GREB1L: variants seen among roughly 807,000 people sequenced by gnomAD.
GREB1L encodes GREB1-like protein.
In GREB1L, 17 loss-of-function variants were observed where a neutral mutation model predicts 200.8. That is an observed-to-expected ratio of 0.08 (90% CI 0.06 to 0.13). The LOEUF is 0.13. Ranked by LOEUF, GREB1L falls within the 10% of genes least tolerant of loss-of-function variation. GREB1L has a pLI of 1.00. For synonymous variants in GREB1L, 789 were observed against 893.0 expected (o/e 0.88, Z 2.08); for missense variants, 1,657 against 2,367.7 (o/e 0.70, Z 6.23).
At chr18:21,376,477 C>T (rs1338774978) in intron 2 of GREB1L, among the ~76,000 whole-genome samples, 2 of 149,524 alleles carry the variant, frequency 1.3e-5, no homozygotes, top group African/African-American at 4.9e-5. Flanking sequence ...AAAAATCTCA[C>T]GTCACTTCTG....
rs186909556 is a variant in GREB1L, at chr18:21,472,888, T to C, written c.2183-143T>C. On this transcript the variant is annotated intron_variant, in intron 15 of 32. Transcript: ENST00000424526. Reference sequence around the variant, plus strand: ...CCTCCTCATACTGTGATGGGGAACATAAGAAAGAAAAAACATCTGCTCTGT... The same window carrying C: ...CCTCCTCATACTGTGATGGGGAACACAAGAAAGAAAAAACATCTGCTCTGT... 6 of 542,290 alleles carry C rather than the reference T, an allele frequency of 1.1e-5. No homozygotes were observed. The Admixed American group carries it at 1.5e-4, about 13-fold the overall frequency. The allele number at this position is 542,290 out of a possible 1,614,324, so 33.6% of individuals were successfully genotyped here.
intron 7 of GREB1L, among the ~76,000 whole-genome samples, chr18:21,411,276 A>T (rs1450559965): frequency 6.6e-6 from 1 of 151,020 alleles, no homozygotes; most frequent in African/African-American, 2.4e-5. Context: ...GCGCCATCTC[A>T]GCTCACTGCA....
intron 7 of GREB1L, among the ~76,000 whole-genome samples, chr18:21,424,681 T>TA (rs1039607481): frequency 1.3e-5 from 2 of 152,052 alleles, no homozygotes; most frequent in African/African-American, 4.8e-5. Context: ...TATAATTCAA[T>TA]AAAAAACAAA....
intron 7 of GREB1L, among the ~76,000 whole-genome samples, chr18:21,434,751 A>T (rs999291156): frequency 6.6e-6 from 1 of 151,990 alleles, no homozygotes; most frequent in Non-Finnish European, 1.5e-5. Context: ...TCACGTGGTA[A>T]CTTCTAGTGA....
At chr18:21,443,267 A>G (rs1364767414) in intron 10 of GREB1L, among the ~76,000 whole-genome samples, 1 of 151,562 alleles carries the variant, frequency 6.6e-6, no homozygotes, top group Non-Finnish European at 1.5e-5. Context: ...CAGTGGCGCG[A>G]TCTCGGCTCA....
chr18:21,335,407 T>C (rs1253312088), intron 1 of GREB1L, among the ~76,000 whole-genome samples: 1 of 152,192 alleles, frequency 6.6e-6, no homozygotes, highest in Non-Finnish European at 1.5e-5. Flanking sequence ...TTTGGATGTA[T>C]ATCAAGAAGG....
At chr18:21,323,438 G>A (rs544311391) in intron 1 of GREB1L, among the ~76,000 whole-genome samples, 1 of 152,116 alleles carries the variant, frequency 6.6e-6, no homozygotes, top group Non-Finnish European at 1.5e-5. Flanking sequence ...AACAAAAAAT[G>A]GAAAAATGAA....
intron 12 of GREB1L, chr18:21,450,514 C>G (rs550742948): frequency 6.5e-6 from 1 of 152,912 alleles, no homozygotes; most frequent in Admixed American, 6.5e-5. Flanking sequence ...CAGAAAGCTT[C>G]ATCAGTGTGA....
chr18:21,359,574 T>C (rs1157128831), intron 1 of GREB1L, among the ~76,000 whole-genome samples: 1 of 152,206 alleles, frequency 6.6e-6, no homozygotes, highest in Admixed American at 6.5e-5. Flanking sequence ...TATAGCACAT[T>C]TCCAGTTTTT....
chr18:21,257,515 A>T (rs2037820019), intron 1 of GREB1L, among the ~76,000 whole-genome samples: 1 of 152,170 alleles, frequency 6.6e-6, no homozygotes, highest in Non-Finnish European at 1.5e-5. Context: ...AGAGTCTGTA[A>T]ATGTGTGTCT....
intron 2 of GREB1L, among the ~76,000 whole-genome samples, chr18:21,370,141 T>C (rs1471870533): frequency 6.6e-6 from 1 of 152,174 alleles, no homozygotes; most frequent in African/African-American, 2.4e-5. Context: ...AGCTTTGTGC[T>C]TTTATGGAAT....
intron 7 of GREB1L, among the ~76,000 whole-genome samples, chr18:21,428,047 G>A (rs1190928535): frequency 1.3e-5 from 2 of 150,606 alleles, no homozygotes; most frequent in African/African-American, 2.4e-5. Flanking sequence ...AAAATTAGCC[G>A]GGCGCGGTGG....
intron 10 of GREB1L, among the ~76,000 whole-genome samples, chr18:21,443,849 A>G (rs2034053257): frequency 6.6e-6 from 1 of 152,226 alleles, no homozygotes; most frequent in Non-Finnish European, 1.5e-5. Flanking sequence ...AATACTTAAT[A>G]CAGTGCCTAC....
At chr18:21,410,835 A>G (rs1255698136) in intron 7 of GREB1L, among the ~76,000 whole-genome samples, 2 of 151,896 alleles carry the variant, frequency 1.3e-5, no homozygotes, top group East Asian at 1.9e-4. Flanking sequence ...GGCCAGGCAC[A>G]TGGCTCACTC....
chr18:21,292,483 A>G (rs1299589100), intron 1 of GREB1L, among the ~76,000 whole-genome samples: 1 of 152,162 alleles, frequency 6.6e-6, no homozygotes, highest in Non-Finnish European at 1.5e-5. Context: ...CATCACCCCC[A>G]AAAGAAACCC....
chr18:21,404,905 G>T (rs1466157608), intron 7 of GREB1L, among the ~76,000 whole-genome samples: 1 of 152,218 alleles, frequency 6.6e-6, no homozygotes, highest in Non-Finnish European at 1.5e-5. Context: ...AAATTGAGAA[G>T]AAGGTGGTCT....
intron 2 of GREB1L, among the ~76,000 whole-genome samples, chr18:21,374,047 G>T (rs1437044906): frequency 1.3e-5 from 2 of 151,806 alleles, no homozygotes; most frequent in Non-Finnish European, 2.9e-5. Context: ...TGTCACCCAG[G>T]CTGGAGTGCA....
intron 18 of GREB1L, among the ~76,000 whole-genome samples, chr18:21,486,576 C>A (rs1247693627): frequency 6.6e-6 from 1 of 152,134 alleles, no homozygotes; most frequent in Admixed American, 6.5e-5. Flanking sequence ...TGGGGCTCCT[C>A]CTCCAGTCCC....
intron 28 of GREB1L, among the ~76,000 whole-genome samples, chr18:21,514,815 C>G (rs762316796): frequency 3.9e-5 from 6 of 152,176 alleles, no homozygotes; most frequent in Non-Finnish European, 8.8e-5. Context: ...TGTAAAATTA[C>G]GCCTGGGCCA....
Sources: gnomAD v4.1 joint callset for allele counts (sites outside exome capture counted in the v4.1 genomes callset) on GRCh38, gnomAD v4.1.1 for gene constraint, MANE v1.5 for transcripts, NCBI Gene and HGNC (gene_info 2026-07-23, HGNC 2026-07-21) for gene names.